Variants in CMIP observed in about 807,000 individuals in gnomAD.
CMIP encodes the protein c-Maf inducing protein.
Under a neutral mutation model 97.3 loss-of-function variants are expected in CMIP, and 13 were observed. The observed-to-expected ratio is 0.13, with a 90% CI of 0.09 to 0.21. CMIP has a LOEUF of 0.21. Ranked by LOEUF, CMIP falls within the 10% of genes least tolerant of loss-of-function variation. CMIP has a pLI of 1.00. For missense variants in CMIP, 847 were observed against 1,024.9 expected, an observed-to-expected ratio of 0.83 and a Z score of 2.37; for synonymous variants, 538 against 436.3, an observed-to-expected ratio of 1.23 and a Z score of -2.91.
chr16:81,477,376 G>A (rs549266041), intron 1 of CMIP, among the ~76,000 whole-genome samples: 4 of 152,276 alleles, frequency 2.6e-5, no homozygotes, highest in African/African-American at 4.8e-5. Flanking sequence ...GGCCAGGCTC[G>A]TCTCGAACTC....
In CMIP at chr16:81,508,734, G is replaced by A. The variant is rs138957809; in HGVS notation, c.300+63193G>A. On this transcript the variant is annotated intron_variant, in intron 1 of 20. Coordinates refer to ENST00000537098, the MANE Select transcript of CMIP (RefSeq NM_198390.3). ...GTCTGAGAGGGTGCTCCGTGAGACA[G>A]ATCTCAGGACAGCTCCTGCAGGCCT... Among the ~76,000 whole-genome samples the A allele has an allele frequency of 1.5e-3, 234 of 152,378 alleles. 1 individual carries two copies. Among genetic ancestry groups the A allele is most frequent in the South Asian group, 8.7e-3 (42 of 4,832 alleles).
intron 1 of CMIP, among the ~76,000 whole-genome samples, chr16:81,521,906 C>A (rs545132982): frequency 3.3e-5 from 5 of 152,156 alleles, no homozygotes; most frequent in African/African-American, 1.2e-4. Flanking sequence ...TAGAATTTCT[C>A]CAAGAAAGGC....
intron 10 of CMIP, among the ~76,000 whole-genome samples, chr16:81,681,413 A>G (rs569384051): frequency 7.7e-4 from 118 of 152,302 alleles, no homozygotes; most frequent in African/African-American, 2.7e-3. Context: ...CCCGTGCCAC[A>G]TACTAGTTGT....
chr16:81,545,899 C>T (rs1436706658), intron 1 of CMIP, among the ~76,000 whole-genome samples: 1 of 152,074 alleles, frequency 6.6e-6, no homozygotes, highest in Non-Finnish European at 1.5e-5. Context: ...AAGAGAATTG[C>T]TAAATTTGCT....
chr16:81,691,298 C>T (rs1342738544), intron 10 of CMIP, among the ~76,000 whole-genome samples: 2 of 152,194 alleles, frequency 1.3e-5, no homozygotes, highest in South Asian at 2.1e-4. Flanking sequence ...CTTTGCTCTG[C>T]GTGTCCGTGT....
chr16:81,468,281 A>G (rs1270462902), intron 1 of CMIP, among the ~76,000 whole-genome samples: 1 of 151,750 alleles, frequency 6.6e-6, no homozygotes, highest in African/African-American at 2.4e-5. Context: ...AAGTGTGCTC[A>G]CTCTCCCACT....
intron 10 of CMIP, among the ~76,000 whole-genome samples, chr16:81,688,169 G>T (rs575775934): frequency 1.3e-5 from 2 of 152,318 alleles, no homozygotes; most frequent in Admixed American, 1.3e-4. Flanking sequence ...TGAAATACCT[G>T]GTTCTGAGTC....
At chr16:81,664,435 AT>A in intron 7 of CMIP, 86 bp downstream of exon 7, 1 of 1,319,590 alleles carries the variant, frequency 7.6e-7, no homozygotes, top group Non-Finnish European at 1.0e-6. Flanking sequence ...GTTGGCACAG[AT>A]TTGGGGAATG....
rs144986284 is a variant in CMIP at position 81,507,641 on chromosome 16, T to C, written c.300+62100T>C. Among the ~76,000 whole-genome samples, 36 of 152,326 alleles carry C rather than the reference T, an allele frequency of 2.4e-4. 1 individual carries two copies. The East Asian group carries it at 4.0e-3, about 17-fold the overall frequency. On this transcript the variant is annotated intron_variant, in intron 1 of 20. Transcript: ENST00000537098. ...GGTGAAGGGAGAAAAGGTGAAACCA[T>C]TTAATTCAGGAGTCATTGGAGATAT...
intron 2 of CMIP, among the ~76,000 whole-genome samples, chr16:81,608,893 C>T (rs2091785874): frequency 6.6e-6 from 1 of 152,220 alleles, no homozygotes; most frequent in Non-Finnish European, 1.5e-5. Context: ...GAAACCTTCT[C>T]TTAGCCCAAA....
intron 7 of CMIP, chr16:81,664,602 A>C (rs1047340154): frequency 5.6e-5 from 33 of 585,536 alleles, no homozygotes; most frequent in African/African-American, 5.6e-4. Context: ...GAGAAGAGGA[A>C]AGCCTCCCGG....
At chr16:81,540,490 A>T (rs1016997764) in intron 1 of CMIP, among the ~76,000 whole-genome samples, 3 of 151,242 alleles carry the variant, frequency 2.0e-5, no homozygotes, top group Non-Finnish European at 4.4e-5. Flanking sequence ...TTTTGTAGAG[A>T]TGGGTTTTTG....
chr16:81,672,953 T>C (rs1267270854), intron 9 of CMIP, among the ~76,000 whole-genome samples: 1 of 152,202 alleles, frequency 6.6e-6, no homozygotes, highest in Non-Finnish European at 1.5e-5. Flanking sequence ...CCCTGCTCTC[T>C]TGGGGCTTCC....
Position 81,633,253 on chromosome 16 carries a change from TG to T in CMIP, c.477+12330del, listed in dbSNP as rs1485496021. On this transcript the variant is annotated intron_variant, in intron 3 of 20. Coordinates refer to ENST00000537098, the MANE Select transcript of CMIP (RefSeq NM_198390.3). ...AGTGTGTCTCTTTCACAGCCAGTGG[TG>T]GGCAGTGGAGGCCCCTGAGCTGGGT... Among the ~76,000 whole-genome samples, 3 of 152,224 alleles carry T rather than the reference TG, an allele frequency of 2.0e-5. No homozygotes were observed. In the East Asian group the frequency reaches 5.8e-4, roughly 29 times the overall value.
At chr16:81,476,137 G>A in intron 1 of CMIP, 1 of 1,000,238 alleles carries the variant, frequency 1.0e-6, no homozygotes. Context: ...CCTTGCCGGA[G>A]ACCACGTGCT....
At chr16:81,507,872 C>A (rs2089738426) in intron 1 of CMIP, among the ~76,000 whole-genome samples, 1 of 152,224 alleles carries the variant, frequency 6.6e-6, no homozygotes, top group South Asian at 2.1e-4. Context: ...CTCAGTAGTA[C>A]TGGGGTGTGA....
intron 1 of CMIP, among the ~76,000 whole-genome samples, chr16:81,522,742 T>G (rs1009543015): frequency 6.6e-6 from 1 of 152,028 alleles, no homozygotes; most frequent in African/African-American, 2.4e-5. Context: ...TGCTTTGCCT[T>G]TTTTTTAAGT....
intron 1 of CMIP, among the ~76,000 whole-genome samples, chr16:81,580,145 C>A (rs2091271315): frequency 6.6e-6 from 1 of 152,180 alleles, no homozygotes; most frequent in Admixed American, 6.5e-5. Context: ...TGCTTAGCTG[C>A]CTTGACACCC....
Position 81,655,143 on chromosome 16 carries a change from G to A in CMIP, c.640-2632G>A, listed in dbSNP as rs940641492. ...AGGAGATGTCTGTGGTCTGAACCCC[G>A]TAAGCACCTTCAGCCAGGGGTCTGG... On this transcript the variant is annotated intron_variant, in intron 4 of 20. Coordinates refer to ENST00000537098, the MANE Select transcript of CMIP (RefSeq NM_198390.3). This position sits in a 1 kb window ranked among gnomAD's most constrained non-coding sequence, Gnocchi z 4.9. 5.9e-5 allele frequency among the ~76,000 whole-genome samples: 9 copies of A among 152,156 alleles called. No homozygotes were observed. The highest frequency in any genetic ancestry group is 2.1e-4 in the South Asian group (1 of 4,828).
Sources: allele counts gnomAD v4.1 joint callset (sites outside exome capture counted in the v4.1 genomes callset), GRCh38; gene constraint gnomAD v4.1.1; non-coding constraint Gnocchi (gnomAD v3.1); transcripts MANE v1.5; gene names NCBI Gene and HGNC (gene_info 2026-07-23, HGNC 2026-07-21).